CYSLTR2: variants seen among roughly 807,000 people sequenced by gnomAD.
CYSLTR2 encodes cysteinyl leukotriene receptor 2, also known as G-protein coupled receptor GPCR21.
For missense variants in CYSLTR2, 398 were observed against 411.9 expected, an observed-to-expected ratio of 0.97 and a Z score of 0.29; for synonymous variants, 179 against 160.8, an observed-to-expected ratio of 1.11 and a Z score of -0.86.
chr13:48,686,464 C>T (rs1953895878), intron 1 of CYSLTR2, among the ~76,000 whole-genome samples: 1 of 152,106 alleles, frequency 6.6e-6, no homozygotes, highest in Non-Finnish European at 1.5e-5. Flanking sequence ...GATAAGATTC[C>T]AGGAAGCAGG....
At chr13:48,665,247 G>T (rs1281389253) in intron 1 of CYSLTR2, among the ~76,000 whole-genome samples, 1 of 152,030 alleles carries the variant, frequency 6.6e-6, no homozygotes, top group Non-Finnish European at 1.5e-5. Flanking sequence ...TGTAAATCAT[G>T]GAGAATGTTT....
At chr13:48,671,309 C>T (rs572774369) in intron 1 of CYSLTR2, among the ~76,000 whole-genome samples, 168 of 152,292 alleles carry the variant, frequency 1.1e-3, no homozygotes, top group African/African-American at 3.9e-3. Flanking sequence ...ATTTCCAATA[C>T]TATGTTGAAT....
At chr13:48,665,633 C>G (rs1246541243) in intron 1 of CYSLTR2, among the ~76,000 whole-genome samples, 1 of 152,046 alleles carries the variant, frequency 6.6e-6, no homozygotes, top group East Asian at 1.9e-4. Flanking sequence ...TATTCCTGCT[C>G]ACTTTTGATT....
At chr13:48,668,698 G>C (rs1953334548) in intron 1 of CYSLTR2, among the ~76,000 whole-genome samples, 1 of 151,926 alleles carries the variant, frequency 6.6e-6, no homozygotes, top group Non-Finnish European at 1.5e-5. Context: ...ATGGTGGTTT[G>C]CTGCACCCAT....
intron 1 of CYSLTR2, among the ~76,000 whole-genome samples, chr13:48,667,697 G>A (rs1328334420): frequency 6.6e-6 from 1 of 152,202 alleles, no homozygotes; most frequent in East Asian, 1.9e-4. Flanking sequence ...TGGCCTGGGA[G>A]CATGTTTCCT....
intron 1 of CYSLTR2, among the ~76,000 whole-genome samples, chr13:48,687,348 T>G (rs1953919610): frequency 6.6e-6 from 1 of 152,050 alleles, no homozygotes; most frequent in Non-Finnish European, 1.5e-5. Context: ...TCTATCTATC[T>G]ATCTATTATC....
Position 48,706,990 on chromosome 13 carries a change from T to C in CYSLTR2, c.173T>C (p.Leu58Ser), listed in dbSNP as rs774951518. The change falls in exon 5 of 5, where the codon TTG becomes TCG. Residue 58 changes from leucine (L) to serine (S), a missense_variant. By Grantham distance (145) the Leu-to-Ser change is moderately radical. Transcript: ENST00000682523. ...TTCTGGGGAGTCTTGGGAAATGGGT[T>C]GTCCATATATGTTTTCCTGCAGCCT... The part of the protein sequence containing the change: ...IFFWGVLGNG[L>S]SIYVFLQPYK... 1.9e-6 allele frequency: 3 copies of C among 1,614,206 alleles called. No homozygotes were observed. In the South Asian group the frequency reaches 3.3e-5, roughly 18 times the overall value.
intron 4 of CYSLTR2, among the ~76,000 whole-genome samples, chr13:48,698,383 A>G (rs1954252023): frequency 1.3e-5 from 2 of 152,224 alleles, no homozygotes; most frequent in African/African-American, 4.8e-5. Flanking sequence ...TCTTAAAGAA[A>G]AGAATTTTCA....
At chr13:48,699,163 A>T (rs571241004) in intron 4 of CYSLTR2, among the ~76,000 whole-genome samples, 1 of 152,306 alleles carries the variant, frequency 6.6e-6, no homozygotes, top group Admixed American at 6.5e-5. Context: ...AGCTCTGCGC[A>T]AAGTGAACCT....
chr13:48,661,059 G>A (rs777417457), intron 1 of CYSLTR2, among the ~76,000 whole-genome samples: 7 of 152,058 alleles, frequency 4.6e-5, no homozygotes, highest in Non-Finnish European at 1.0e-4. Flanking sequence ...TATGAAGTAA[G>A]AACTATTATT....
At chr13:48,667,475 C>T (rs968190576) in intron 1 of CYSLTR2, among the ~76,000 whole-genome samples, 1 of 152,186 alleles carries the variant, frequency 6.6e-6, no homozygotes, top group African/African-American at 2.4e-5. Flanking sequence ...CCTGAGGGAA[C>T]ATCTGCTGGG....
intron 1 of CYSLTR2, among the ~76,000 whole-genome samples, chr13:48,673,790 C>T (rs1953517674): frequency 6.6e-6 from 1 of 151,776 alleles, no homozygotes; most frequent in Non-Finnish European, 1.5e-5. Context: ...TTAGTGCTTC[C>T]TTTGGAGCTC....
At chr13:48,704,486 T>C (rs1295856837) in intron 4 of CYSLTR2, among the ~76,000 whole-genome samples, 1 of 152,144 alleles carries the variant, frequency 6.6e-6, no homozygotes, top group East Asian at 1.9e-4. Context: ...TCTTGATTTC[T>C]GCTCTTTACT....
At chr13:48,697,742 C>A (rs1212236491) in intron 4 of CYSLTR2, among the ~76,000 whole-genome samples, 1 of 152,172 alleles carries the variant, frequency 6.6e-6, no homozygotes, top group Non-Finnish European at 1.5e-5. Flanking sequence ...GATGTTCTAA[C>A]CCATCACAAA....
Position 48,668,454 on chromosome 13 carries a change from A to C in CYSLTR2, c.-266+14437A>C, listed in dbSNP as rs574857149. ...AGAAGTGCAAACCCAGGTCTTGGCT[A>C]CCTGGTCTTGAAGAACAGTAAAATA... is the stretch of plus-strand genomic sequence containing the variant. On this transcript the variant is annotated intron_variant, in intron 1 of 4. Coordinates refer to ENST00000682523, the MANE Select transcript of CYSLTR2 (RefSeq NM_001308476.3). 9.3e-4 allele frequency among the ~76,000 whole-genome samples: 141 copies of C among 152,234 alleles called. 1 individual carries two copies. Among genetic ancestry groups the C allele is most frequent in the Non-Finnish European group, 1.7e-3 (117 of 68,002 alleles).
intron 1 of CYSLTR2, among the ~76,000 whole-genome samples, chr13:48,677,769 C>T (rs1953638579): frequency 6.6e-6 from 1 of 152,142 alleles, no homozygotes; most frequent in Admixed American, 6.6e-5. Flanking sequence ...GTCACTGTCT[C>T]AACTGCTGCT....
chr13:48,705,996 G>GTTTTTTTT (rs368909553), intron 4 of CYSLTR2, among the ~76,000 whole-genome samples: 1 of 128,588 alleles, frequency 7.8e-6, no homozygotes, highest in African/African-American at 3.3e-5. Context: ...TTGTTTTGTT[G>GTTTTTTTT]TTGTTTTTTT....
At position 48,707,641 on chromosome 13, in the gene CYSLTR2, A is replaced by T. The variant is rs1221322797; in HGVS notation, c.824A>T (p.Lys275Ile). The T allele has an allele frequency of 1.2e-6, 2 of 1,613,934 alleles. No individual in the cohort carries two copies. Among genetic ancestry groups the T allele is most frequent in the South Asian group, 1.1e-5 (1 of 91,078 alleles). Residue 275 changes from lysine (K) to isoleucine (I), a missense_variant, in exon 5 of 5, where the codon AAA becomes ATA. Physicochemically the swap from Lys to Ile is moderately radical, Grantham distance 102. Transcript: ENST00000682523. ...AGGACCGTCCACTTGACGACATGGA[A>T]AGTGGGTTTATGCAAAGACAGACTG... The part of the protein sequence containing the change: ...TLRTVHLTTW[K>I]VGLCKDRLHK...
At chr13:48,654,221 G>A (rs555280202) in intron 1 of CYSLTR2, among the ~76,000 whole-genome samples, 18 of 149,986 alleles carry the variant, frequency 1.2e-4, no homozygotes, top group East Asian at 9.8e-4. Context: ...CACCAAAATA[G>A]CCTCTATTGA....
Sources: gnomAD v4.1 joint callset for allele counts (sites outside exome capture counted in the v4.1 genomes callset) on GRCh38, gnomAD v4.1.1 for gene constraint, MANE v1.5 for transcripts, NCBI Gene and HGNC (gene_info 2026-07-23, HGNC 2026-07-21) for gene names.